The following DLEU7 variants were observed in gnomAD, a reference collection of about 807,000 sequenced individuals.
DLEU7 encodes the protein deleted in lymphocytic leukemia 7.
DLEU7 carries 17 observed loss-of-function variants against 16.0 expected under a neutral mutation model. That is an observed-to-expected ratio of 1.06 (90% confidence interval 0.73 to 1.59). The LOEUF is 1.59. Among genes scored for constraint, DLEU7 ranks in the 40% most tolerant of loss-of-function variants. DLEU7 has a pLI of 0.00. For synonymous variants in DLEU7, 113 were observed against 139.8 expected (o/e 0.81, Z 1.35); for missense variants, 308 against 314.9 (o/e 0.98, Z 0.17).
chr13:50,752,859 C>T (rs895445995), intron 1 of DLEU7, among the ~76,000 whole-genome samples: 3 of 152,130 alleles, frequency 2.0e-5, no homozygotes, highest in African/African-American at 7.2e-5. Context: ...AAGCGGGTTG[C>T]CACTGCTGGC....
intron 1 of DLEU7, among the ~76,000 whole-genome samples, chr13:50,774,350 G>T (rs1177622051): frequency 6.6e-6 from 1 of 152,062 alleles, no homozygotes; most frequent in Non-Finnish European, 1.5e-5. Flanking sequence ...CTTCTTCATC[G>T]ATCACGCTGG....
rs966084888 is a variant in DLEU7, at chr13:50,768,494, C to G, written c.460-55254G>C. Among the ~76,000 whole-genome samples the G allele has an allele frequency of 2.2e-4, 32 of 144,748 alleles. 1 individual carries two copies. The highest frequency in any genetic ancestry group is 9.9e-4 in the Admixed American group (14 of 14,074). The allele number at this position is 144,748 out of a possible 152,430, so 95.0% of individuals were successfully genotyped here. ...GTTCCCCTTCCTGTGTCCAAGTGTTCTCATTGTTCAATTCCCACCTATGAG... is the reference window on the plus strand; with the variant it reads ...GTTCCCCTTCCTGTGTCCAAGTGTTGTCATTGTTCAATTCCCACCTATGAG... On this transcript the variant is annotated intron_variant, in intron 1 of 1. Transcript: ENST00000400393.
Position 50,790,863 on chromosome 13 carries a change from A to C in DLEU7, c.459+52325T>G, listed in dbSNP as rs536551729. ...GGGCTGAGGCTTTGTGCTCTTTAGA[A>C]AAAAGTGTTCCTTCCTCAAAAAAAG... On this transcript the variant is annotated intron_variant, in intron 1 of 1. Coordinates refer to the DLEU7 transcript ENST00000400393. Among the ~76,000 whole-genome samples the C allele has an allele frequency of 2.0e-5, 3 of 152,258 alleles. No individual in the cohort carries two copies. In the South Asian group the frequency reaches 6.2e-4, roughly 32 times the overall value.
intron 1 of DLEU7, among the ~76,000 whole-genome samples, chr13:50,730,814 C>G (rs77797045): frequency 0.069 from 10,430 of 152,098 alleles, 478 homozygotes; most frequent in Middle Eastern, 0.1. Context: ...AAAGATGGAG[C>G]AAATGAAGGT....
chr13:50,764,566 A>G lies in DLEU7; in HGVS notation c.460-51326T>C, dbSNP rs143401620. ...TCAGAGGCTTTAAGTGTTTCTTAAA[A>G]CACTTATCTATGAACCCCTAATCTT... On this transcript the variant is annotated intron_variant, in intron 1 of 1. Coordinates refer to the DLEU7 transcript ENST00000400393. Among the ~76,000 whole-genome samples, 847 of 152,340 alleles carry G rather than the reference A, an allele frequency of 5.6e-3. 8 individuals are homozygous for G. Among genetic ancestry groups the G allele is most frequent in the African/African-American group, 0.018 (745 of 41,578 alleles).
In DLEU7 at chr13:50,843,610, G is replaced by T; in HGVS notation, c.37C>A (p.His13Asn). 2 of 1,510,036 alleles carry T rather than the reference G, an allele frequency of 1.3e-6. No individual in the cohort carries two copies. The highest frequency in any genetic ancestry group is 8.8e-7 in the Non-Finnish European group (1 of 1,135,522). The allele number at this position is 1,510,036 out of a possible 1,614,324, so 93.5% of individuals were successfully genotyped here. The change falls in exon 1 of 2, where the codon CAC becomes AAC. Residue 13 changes from histidine (H) to asparagine (N), a missense_variant. Transcript: ENST00000504404. This position sits in a 1 kb window ranked among gnomAD's most constrained non-coding sequence, Gnocchi z 5.7. Reference sequence around the variant, plus strand: ...AAGGTCTGCAGAGCCACCATTTGGTGGCTGATGGAGGCCACTAAGGGCGCA... The same window carrying T: ...AAGGTCTGCAGAGCCACCATTTGGTTGCTGATGGAGGCCACTAAGGGCGCA... ...SPAPLVASIS[H>N]QMVALQTLQL...
At chr13:50,839,518 G>T (rs895985975) in intron 1 of DLEU7, among the ~76,000 whole-genome samples, 1 of 152,130 alleles carries the variant, frequency 6.6e-6, no homozygotes, top group African/African-American at 2.4e-5. Flanking sequence ...CTCCATGCCT[G>T]CAGATTTCAC....
chr13:50,737,118 A>G (rs1325227030), intron 1 of DLEU7, among the ~76,000 whole-genome samples: 1 of 152,114 alleles, frequency 6.6e-6, no homozygotes, highest in East Asian at 1.9e-4. Flanking sequence ...TCACTTCCCT[A>G]TTTATTTTGT....
At chr13:50,760,702 T>G (rs1208396243) in intron 1 of DLEU7, among the ~76,000 whole-genome samples, 1 of 152,234 alleles carries the variant, frequency 6.6e-6, no homozygotes, top group Non-Finnish European at 1.5e-5. Context: ...TGTAAGTATT[T>G]ACTGAAAATT....
chr13:50,794,948 C>G (rs1013749852), intron 1 of DLEU7, among the ~76,000 whole-genome samples: 1 of 151,130 alleles, frequency 6.6e-6, no homozygotes, highest in African/African-American at 2.4e-5. Flanking sequence ...TATATAAATA[C>G]ATATAATTAT....
intron 1 of DLEU7, among the ~76,000 whole-genome samples, chr13:50,768,145 G>A (rs553473777): frequency 2.2e-4 from 34 of 151,994 alleles, no homozygotes; most frequent in Non-Finnish European, 3.8e-4. Context: ...GAGGCTTTCC[G>A]GTAATATGGG....
intron 1 of DLEU7, among the ~76,000 whole-genome samples, chr13:50,799,692 A>G (rs962716973): frequency 6.6e-6 from 1 of 152,156 alleles, no homozygotes; most frequent in Admixed American, 6.5e-5. Flanking sequence ...CTGCTACAAA[A>G]TATCTTTTCC....
chr13:50,760,609 T>G (rs1315384588), intron 1 of DLEU7, among the ~76,000 whole-genome samples: 4 of 152,230 alleles, frequency 2.6e-5, no homozygotes, highest in Admixed American at 2.6e-4. Context: ...GTGATCCTTC[T>G]GCCGTGGCTT....
intron 1 of DLEU7, among the ~76,000 whole-genome samples, chr13:50,734,364 C>T (rs79528914): frequency 0.097 from 14,720 of 152,180 alleles, 1,000 homozygotes; most frequent in African/African-American, 0.18. Flanking sequence ...GGCTGCTTTC[C>T]ACCTTATCGT....
intron 1 of DLEU7, among the ~76,000 whole-genome samples, chr13:50,795,847 C>G (rs1876094024): frequency 6.6e-6 from 1 of 152,134 alleles, no homozygotes; most frequent in East Asian, 1.9e-4. Flanking sequence ...ATGATCTCTA[C>G]CCACTCATTT....
At position 50,731,979 on chromosome 13, in the gene DLEU7, A is replaced by G. The variant is rs551296501; in HGVS notation, c.460-18739T>C. On this transcript the variant is annotated intron_variant, in intron 1 of 1. Coordinates refer to the DLEU7 transcript ENST00000400393. ...TGCATAAAACTGAAAAGAAAATTAT[A>G]TACACTCATACTTTGCAATATTGCT... is the stretch of plus-strand genomic sequence containing the variant. Among the ~76,000 whole-genome samples the G allele has an allele frequency of 1.7e-4, 26 of 152,354 alleles. No homozygotes were observed. The South Asian group carries it at 5.4e-3, about 32-fold the overall frequency.
chr13:50,765,754 C>G (rs687729), intron 1 of DLEU7, among the ~76,000 whole-genome samples: 53,435 of 151,698 alleles, frequency 0.35, 9,815 homozygotes, highest in African/African-American at 0.45. Flanking sequence ...ATGTGCCAGG[C>G]ACTGTACTGG....
intron 1 of DLEU7, among the ~76,000 whole-genome samples, chr13:50,788,865 G>A (rs1282769266): frequency 1.3e-5 from 2 of 152,124 alleles, no homozygotes; most frequent in African/African-American, 4.8e-5. Context: ...ACACCCCTGG[G>A]ACTGTGAAAG....
chr13:50,798,758 T>A (rs1233487849), intron 1 of DLEU7, among the ~76,000 whole-genome samples: 1 of 152,174 alleles, frequency 6.6e-6, no homozygotes, highest in East Asian at 1.9e-4. Context: ...ACTCCCTGTA[T>A]CAGAGTGCTG....
Sources: gnomAD v4.1 joint callset for allele counts (sites outside exome capture counted in the v4.1 genomes callset) on GRCh38, gnomAD v4.1.1 for gene constraint, Gnocchi (gnomAD v3.1) non-coding constraint, MANE v1.5 for transcripts, NCBI Gene and HGNC (gene_info 2026-07-23, HGNC 2026-07-21) for gene names.